The following RBFOX3 variants were observed in gnomAD, a reference collection of about 807,000 sequenced individuals.
RBFOX3 encodes the protein RNA binding protein fox-1 homolog 3.
In RBFOX3, 17 loss-of-function variants were observed where a neutral mutation model predicts 48.7. The observed-to-expected ratio is 0.35, with a 90% CI of 0.24 to 0.52. The LOEUF is 0.52. RBFOX3 is among the 20% of genes least tolerant of loss of function. The probability of loss-of-function intolerance (pLI) is 0.94; values close to 1 mark genes in which losing one functional copy is unlikely to be tolerated. For missense variants in RBFOX3, 382 were observed against 497.5 expected (o/e 0.77, Z 2.21); for synonymous variants, 212 against 209.5 (o/e 1.01, Z -0.10).
upstream of RBFOX3, among the ~76,000 whole-genome samples, chr17:79,613,831 A>C (rs2093983905): frequency 6.6e-6 from 1 of 152,154 alleles, no homozygotes; most frequent in Admixed American, 6.5e-5. Flanking sequence ...AAAACTAGCC[A>C]GGTGTGGTTG....
intron 2 of RBFOX3, among the ~76,000 whole-genome samples, chr17:79,321,265 C>G (rs1160531422): frequency 1.3e-5 from 2 of 152,242 alleles, no homozygotes; most frequent in Non-Finnish European, 2.9e-5. Context: ...GGGTCTCTAC[C>G]TCATGTCTTC....
At chr17:79,639,648 C>T in the RBFOX3 span, among the ~76,000 whole-genome samples, 2 of 152,034 alleles carry the variant, frequency 1.3e-5, no homozygotes, top group Admixed American at 1.3e-4. Flanking sequence ...TACATTATGA[C>T]CAAGTGGAAT....
intron 2 of RBFOX3, among the ~76,000 whole-genome samples, chr17:79,344,500 T>C (rs1475772677): frequency 3.9e-5 from 6 of 152,114 alleles, no homozygotes; most frequent in African/African-American, 1.4e-4. Context: ...TTCTCAATCA[T>C]TTTCCTGCAG....
intron 3 of RBFOX3, among the ~76,000 whole-genome samples, chr17:79,270,657 C>G (rs4789985): frequency 0.62 from 95,129 of 152,224 alleles, 30,129 homozygotes; most frequent in South Asian, 0.79. Flanking sequence ...CCAGGTGCAG[C>G]GCCTGCAAAG....
intron 4 of RBFOX3, among the ~76,000 whole-genome samples, chr17:79,221,532 A>G (rs1224353514): frequency 6.6e-6 from 1 of 152,202 alleles, no homozygotes; most frequent in East Asian, 1.9e-4. Flanking sequence ...GGCCAGCCCT[A>G]GACTAAACAC....
rs559279303 is a variant in RBFOX3 at position 79,443,859 on chromosome 17, A to C, written c.-175+38595T>G. Among the ~76,000 whole-genome samples the C allele has an allele frequency of 6.6e-6, 1 of 152,282 alleles. No individual in the cohort carries two copies. Among genetic ancestry groups the C allele is most frequent in the African/African-American group, 2.4e-5 (1 of 41,560 alleles). On this transcript the variant is annotated intron_variant, in intron 2 of 14. Coordinates refer to ENST00000693108, the MANE Select transcript of RBFOX3 (RefSeq NM_001350451.2). The surrounding 1 kb of genome is among the most constrained non-coding windows in gnomAD (Gnocchi z 4.4). ...GATGATGGTGGGAGGGGCAGGCTGCAGAGAACTCAGAATGCCAACAAGGAG... is the reference window on the plus strand; with the variant it reads ...GATGATGGTGGGAGGGGCAGGCTGCCGAGAACTCAGAATGCCAACAAGGAG...
chr17:79,401,931 G>A (rs1364558414), intron 2 of RBFOX3, among the ~76,000 whole-genome samples: 1 of 152,224 alleles, frequency 6.6e-6, no homozygotes, highest in African/African-American at 2.4e-5. Context: ...ACACAGTTGT[G>A]GTCATCCGTT....
chr17:79,616,863 C>A, the RBFOX3 span, among the ~76,000 whole-genome samples: 1 of 152,194 alleles, frequency 6.6e-6, no homozygotes. Context: ...CCTGTCCGGG[C>A]TCCATGGAAT....
At chr17:79,476,702 A>G (rs2077815668) in intron 2 of RBFOX3, among the ~76,000 whole-genome samples, 1 of 152,160 alleles carries the variant, frequency 6.6e-6, no homozygotes, top group Non-Finnish European at 1.5e-5. Context: ...AGAACTGCAG[A>G]GAAGGAACCA....
chr17:79,608,580 G>T (rs1471823223), intron 1 of RBFOX3, among the ~76,000 whole-genome samples: 1 of 152,156 alleles, frequency 6.6e-6, no homozygotes, highest in Non-Finnish European at 1.5e-5. Context: ...CCTGCCGCAC[G>T]CACGCAGCCA....
In RBFOX3 at chr17:79,243,511, C is replaced by T. The variant is rs548557031; in HGVS notation, c.-73-7706G>A. 3.5e-4 allele frequency among the ~76,000 whole-genome samples: 53 copies of T among 152,216 alleles called. No homozygotes were observed. The highest frequency in any genetic ancestry group is 1.2e-3 in the African/African-American group (48 of 41,540). On this transcript the variant is annotated intron_variant, in intron 3 of 14. Transcript: ENST00000693108. The surrounding 1 kb of genome is among the most constrained non-coding windows in gnomAD (Gnocchi z 7.9). ...GGGGTGTCATTTGGGACTGTGGAGTCGACCACAGTCAATTGCTTGGGTGAT... is the reference window on the plus strand; with the variant it reads ...GGGGTGTCATTTGGGACTGTGGAGTTGACCACAGTCAATTGCTTGGGTGAT...
intron 1 of RBFOX3, among the ~76,000 whole-genome samples, chr17:79,491,596 G>A (rs1044340609): frequency 5.3e-5 from 8 of 152,038 alleles, no homozygotes; most frequent in East Asian, 1.9e-4. Context: ...GCCACCTCCC[G>A]GGTTTCGGGT....
intron 3 of RBFOX3, among the ~76,000 whole-genome samples, chr17:79,292,346 A>C (rs182495947): frequency 2.0e-4 from 30 of 152,132 alleles, no homozygotes; most frequent in African/African-American, 5.8e-4. Context: ...AATTTATTCT[A>C]TTGTGCCTTC....
At chr17:79,610,322 C>T (rs2093943200) in intron 1 of RBFOX3, among the ~76,000 whole-genome samples, 1 of 152,026 alleles carries the variant, frequency 6.6e-6, no homozygotes, top group African/African-American at 2.4e-5. Flanking sequence ...GGTCGCCAGC[C>T]TCTCTCCCAC....
At chr17:79,437,581 C>A (rs1259489186) in intron 2 of RBFOX3, among the ~76,000 whole-genome samples, 1 of 151,294 alleles carries the variant, frequency 6.6e-6, no homozygotes, top group Non-Finnish European at 1.5e-5. Context: ...GGTGGAGGAG[C>A]AACAGGCAGA....
At chr17:79,197,553 C>T (rs1334723667) in intron 4 of RBFOX3, among the ~76,000 whole-genome samples, 7 of 1,832 alleles carry the variant, frequency 3.8e-3, no homozygotes, top group African/African-American at 6.3e-3. Context: ...AACATCCTGC[C>T]AATTTTTTTT....
intron 2 of RBFOX3, among the ~76,000 whole-genome samples, chr17:79,377,052 C>T (rs149625242): frequency 0.012 from 1,859 of 152,210 alleles, 15 homozygotes; most frequent in Non-Finnish European, 0.019. Context: ...TTAGAGAAAC[C>T]GCAGTGGGCA....
intron 1 of RBFOX3, among the ~76,000 whole-genome samples, chr17:79,505,018 A>G (rs1345693286): frequency 6.6e-6 from 1 of 152,140 alleles, no homozygotes; most frequent in African/African-American, 2.4e-5. Context: ...CTGGCACCCA[A>G]TAAGGTAAAG....
At chr17:79,298,623 C>A (rs2074790585) in intron 3 of RBFOX3, among the ~76,000 whole-genome samples, 1 of 152,110 alleles carries the variant, frequency 6.6e-6, no homozygotes, top group Admixed American at 6.5e-5. Context: ...CATTGCAGCC[C>A]CAGAACCTGC....
Sources: allele counts gnomAD v4.1 joint callset (sites outside exome capture counted in the v4.1 genomes callset), GRCh38; gene constraint gnomAD v4.1.1; non-coding constraint Gnocchi (gnomAD v3.1); transcripts MANE v1.5; gene names NCBI Gene and HGNC (gene_info 2026-07-23, HGNC 2026-07-21).